The following ABCA9 variants were observed in gnomAD, a reference collection of about 807,000 sequenced individuals.
ABCA9 encodes the protein ATP binding cassette subfamily A member 9.
ABCA9 carries 183 observed loss-of-function variants against 205.3 expected under a neutral mutation model. The observed-to-expected ratio is 0.89, with a 90% CI of 0.79 to 1.01. The LOEUF (loss-of-function observed/expected upper bound fraction) is 1.01. ABCA9 is among the 50% of genes least tolerant of loss of function. The pLI is 0.00. For synonymous variants in ABCA9, 651 were observed against 683.3 expected (o/e 0.95, Z 0.74); for missense variants, 1,805 against 1,912.4 (o/e 0.94, Z 1.05).
chr17:69,020,972 T>A (rs1457224345), intron 18 of ABCA9, among the ~76,000 whole-genome samples: 1 of 151,918 alleles, frequency 6.6e-6, no homozygotes, highest in African/African-American at 2.4e-5. Flanking sequence ...TTCAAGAACA[T>A]AAAAATGGGA....
rs1309865035 is a variant in ABCA9, at chr17:69,044,646, G to A, written c.470-46C>T. The A allele has an allele frequency of 1.9e-6, 3 of 1,563,940 alleles. No homozygotes were observed. The South Asian group carries it at 3.4e-5, about 18-fold the overall frequency. ...CATTATTACGGAATGATACAATCTT[G>A]GCTACAGAAAAAAACAAAATTTCAA... On this transcript the variant is annotated intron_variant, in intron 4 of 38. Transcript: ENST00000340001.
chr17:69,067,525 C>T, the ABCA9 span, among the ~76,000 whole-genome samples: 2 of 146,792 alleles, frequency 1.4e-5, no homozygotes, highest in Non-Finnish European at 3.0e-5. Context: ...CACAGCCTTC[C>T]AGCCTGGGCA....
At chr17:68,981,443 G>T (rs534012069) in intron 37 of ABCA9, among the ~76,000 whole-genome samples, 1 of 152,166 alleles carries the variant, frequency 6.6e-6, no homozygotes, top group East Asian at 1.9e-4. Context: ...AATACTTCCT[G>T]TTGATCTCAC....
At chr17:69,009,262 G>A (rs73367923) in intron 23 of ABCA9, among the ~76,000 whole-genome samples, 2,073 of 152,252 alleles carry the variant, frequency 0.014, 37 homozygotes, top group African/African-American at 0.045. Context: ...CTTTCAAAGA[G>A]AAACGAATTG....
chr17:68,982,790 A>G, intron 36 of ABCA9, 149 bp from the exon 37 acceptor site: 1 of 595,578 alleles, frequency 1.7e-6, no homozygotes, highest in Middle Eastern at 2.9e-4. Context: ...AGATTGCTTG[A>G]GCCTATGAGT....
At chr17:69,013,091 G>C (rs959640231) in intron 22 of ABCA9, among the ~76,000 whole-genome samples, 1 of 151,696 alleles carries the variant, frequency 6.6e-6, no homozygotes, top group Non-Finnish European at 1.5e-5. Context: ...TTGTGTATAT[G>C]TACCTCATTT....
In ABCA9 at chr17:69,018,461, G is replaced by A; in HGVS notation, c.2719C>T (p.Gln907Ter). 5 of 1,607,256 alleles carry A rather than the reference G, an allele frequency of 3.1e-6. No individual in the cohort carries two copies. The highest frequency in any genetic ancestry group is 4.2e-6 in the Non-Finnish European group (5 of 1,177,446). The change falls in exon 20 of 39, where the codon CAA (glutamine) becomes TAA (stop). Residue 907 changes from glutamine (Q) to a stop codon, truncating the protein, a stop_gained. Transcript: ENST00000340001. LOFTEE classifies it high-confidence loss of function. Reference sequence around the variant, plus strand: ...TGGGTCAGAGGATCCTGTGGTTGTTGTCCTGGTGAGAGGAAGTATGTATTT... The same window carrying A: ...TGGGTCAGAGGATCCTGTGGTTGTTATCCTGGTGAGAGGAAGTATGTATTT... ...SPNTYFLSPGQQPQDPLTHLL... is the reference protein window; with the variant it reads ...SPNTYFLSPG
At chr17:69,060,020 GACT>G (rs1328513328) in intron 1 of ABCA9, among the ~76,000 whole-genome samples, 2 of 151,656 alleles carry the variant, frequency 1.3e-5, no homozygotes, top group East Asian at 3.9e-4. Flanking sequence ...GTGCCCACGT[GACT>G]ACTGTTCTTT....
At chr17:69,060,017 C>T (rs1188296675) in intron 1 of ABCA9, among the ~76,000 whole-genome samples, 2 of 151,678 alleles carry the variant, frequency 1.3e-5, no homozygotes, top group African/African-American at 2.4e-5. Context: ...ATTGTGCCCA[C>T]GTGACTACTG....
chr17:68,987,419 C>G (rs1238776159), intron 31 of ABCA9, among the ~76,000 whole-genome samples: 1 of 152,144 alleles, frequency 6.6e-6, no homozygotes, highest in Admixed American at 6.5e-5. Flanking sequence ...CTTGTGCTTT[C>G]AAGGAAATAG....
At chr17:69,018,323 GT>G (rs1376460600) in intron 20 of ABCA9, 89 bp downstream of exon 20, 1 of 1,201,192 alleles carries the variant, frequency 8.3e-7, no homozygotes, top group Non-Finnish European at 1.1e-6. Flanking sequence ...AACATACAGA[GT>G]TTATTTTTTT....
intron 22 of ABCA9, among the ~76,000 whole-genome samples, chr17:69,015,966 A>T (rs1439405455): frequency 3.2e-5 from 3 of 94,310 alleles, no homozygotes; most frequent in African/African-American, 4.6e-5. Flanking sequence ...GGTCAATTCT[A>T]AATTGTGTGT....
At chr17:69,064,171 C>T (rs2072318778), upstream of ABCA9, among the ~76,000 whole-genome samples, 1 of 152,168 alleles carries the variant, frequency 6.6e-6, no homozygotes, top group Non-Finnish European at 1.5e-5. Context: ...ATTTTATGGT[C>T]TCTTTAAATT....
chr17:69,048,373 G>A (rs537956377), intron 3 of ABCA9, among the ~76,000 whole-genome samples: 4 of 152,188 alleles, frequency 2.6e-5, no homozygotes, highest in Non-Finnish European at 4.4e-5. Flanking sequence ...ATCCTCTAAC[G>A]GTAAAACGGT....
rs1471944800 is a variant in ABCA9 at position 69,044,499 on chromosome 17, C to A, written c.571G>T (p.Glu191Ter). The A allele has an allele frequency of 6.2e-7, 1 of 1,612,434 alleles. No individual in the cohort carries two copies. Among genetic ancestry groups the A allele is most frequent in the Non-Finnish European group, 8.5e-7 (1 of 1,179,058 alleles). ...GATTCCTTTAACTTTATACTCACTT[C>A]TATGATAGCAGCATTAATGGCAGCT... The part of the protein sequence containing the change: ...FQAAINAAII[E>*]IATNHSVMEQ... The change falls in exon 5 of 39, where the codon GAA (glutamate) becomes TAA (stop). Residue 191 changes from glutamate to a stop codon, truncating the protein, a stop_gained and splice_region_variant. Coordinates refer to ENST00000340001, the MANE Select transcript of ABCA9 (RefSeq NM_080283.4). LOFTEE classifies it high-confidence loss of function.
rs528779161 is a variant in ABCA9, at chr17:68,992,852, C to T, written c.3624+164G>A. On this transcript the variant is annotated intron_variant, in intron 27 of 38. Coordinates refer to ENST00000340001, the MANE Select transcript of ABCA9 (RefSeq NM_080283.4). ...GGGGGGGGTCCAGGTTAAAAGCCATCGTGTGTGTGTGTGTGTGCACGCATG... is the reference window on the plus strand; with the variant it reads ...GGGGGGGGTCCAGGTTAAAAGCCATTGTGTGTGTGTGTGTGTGCACGCATG... 2.0e-3 allele frequency among the ~76,000 whole-genome samples: 298 copies of T among 148,448 alleles called. 1 individual carries two copies. The highest frequency in any genetic ancestry group is 7.2e-3 in the African/African-American group (291 of 40,296).
At chr17:69,018,277 A>G in intron 20 of ABCA9, 136 bp downstream of exon 20, 3 of 753,294 alleles carry the variant, frequency 4.0e-6, no homozygotes, top group Non-Finnish European at 6.0e-6. Context: ...TCATTTTTTA[A>G]TTTATTTTCT....
intron 9 of ABCA9, 27 bp from the exon 10 acceptor site, chr17:69,032,303 C>T: frequency 6.2e-7 from 1 of 1,603,234 alleles, no homozygotes; most frequent in Non-Finnish European, 8.5e-7. Flanking sequence ...CAATTGAATA[C>T]TGGGTCAGTC....
intron 25 of ABCA9, among the ~76,000 whole-genome samples, chr17:69,003,119 T>G (rs1384962399): frequency 6.6e-6 from 1 of 151,594 alleles, no homozygotes; most frequent in Non-Finnish European, 1.5e-5. Flanking sequence ...CCATTTACAT[T>G]TAAAGTTAAT....
Sources: allele counts gnomAD v4.1 joint callset (sites outside exome capture counted in the v4.1 genomes callset), GRCh38; gene constraint gnomAD v4.1.1; transcripts MANE v1.5; gene names NCBI Gene and HGNC (gene_info 2026-07-23, HGNC 2026-07-21).